Variants in GALNT18 observed in about 807,000 individuals in gnomAD.
GALNT18 encodes polypeptide N-acetylgalactosaminyltransferase 18, also known as GalNAc-transferase 18.
GALNT18 carries 44 observed loss-of-function variants against 69.5 expected under a neutral mutation model. The ratio of observed to expected loss-of-function variants is 0.63; its 90% CI spans 0.50 to 0.81. GALNT18 has a LOEUF of 0.81. Among genes scored for constraint, GALNT18 ranks in the 40% least tolerant of loss-of-function variants. GALNT18 has a pLI of 0.00. For synonymous variants in GALNT18, 364 were observed against 318.2 expected (o/e 1.14, Z -1.53); for missense variants, 715 against 810.0 (o/e 0.88, Z 1.42).
intron 1 of GALNT18, among the ~76,000 whole-genome samples, chr11:11,515,786 C>T (rs1337739005): frequency 6.6e-6 from 1 of 152,198 alleles, no homozygotes; most frequent in Admixed American, 6.5e-5. Context: ...GCAGGAAGAG[C>T]AAATGCAGAG....
rs1279878514 is a variant in GALNT18, at chr11:11,404,489, A to C, written c.596-25225T>G. Among the ~76,000 whole-genome samples, 2 of 152,218 alleles carry C rather than the reference A, an allele frequency of 1.3e-5. No individual in the cohort carries two copies. The highest frequency in any genetic ancestry group is 6.5e-5 in the Admixed American group (1 of 15,284). ...CCTGGCCCGGAAGGAGTTAAGGATCAAACGGCGCCCAGGGAGTGAGCCAAA... is the reference window on the plus strand; with the variant it reads ...CCTGGCCCGGAAGGAGTTAAGGATCCAACGGCGCCCAGGGAGTGAGCCAAA... On this transcript the variant is annotated intron_variant, in intron 3 of 10. Coordinates refer to ENST00000227756, the MANE Select transcript of GALNT18 (RefSeq NM_198516.3). The surrounding 1 kb of genome is among the most constrained non-coding windows in gnomAD (Gnocchi z 4.5).
At chr11:11,390,732 T>C (rs970085782) in intron 3 of GALNT18, among the ~76,000 whole-genome samples, 1 of 152,226 alleles carries the variant, frequency 6.6e-6, no homozygotes. Flanking sequence ...AGGGGTCCCA[T>C]GAAGGACCAG....
chr11:11,393,681 G>C (rs967779291), intron 3 of GALNT18, among the ~76,000 whole-genome samples: 2 of 152,232 alleles, frequency 1.3e-5, no homozygotes, highest in Admixed American at 1.3e-4. Flanking sequence ...AGAGACATCA[G>C]GACAGGTGGG....
intron 2 of GALNT18, 55 bp downstream of exon 2, chr11:11,448,689 G>A: frequency 6.8e-7 from 1 of 1,470,166 alleles, no homozygotes; most frequent in Non-Finnish European, 9.3e-7. Flanking sequence ...GCACTCTGGG[G>A]ACCCCATCTC....
chr11:11,419,619 A>AAAAG (rs56198103), intron 3 of GALNT18, among the ~76,000 whole-genome samples: 6,176 of 128,208 alleles, frequency 0.048, 327 homozygotes, highest in Non-Finnish European at 0.062. Flanking sequence ...AAAAAAAAAA[A>AAAAG]AAAGAAAGAA....
rs370415811 is a variant in GALNT18 at position 11,607,674 on chromosome 11, A to T, written c.235+13685T>A. ...GCCTGCAATTGAAATTATAAGTCAC[A>T]TTGCTCTGAGTTAAATCAAATTCAT... On this transcript the variant is annotated intron_variant, in intron 1 of 10. Transcript: ENST00000227756. 2.9e-4 allele frequency among the ~76,000 whole-genome samples: 44 copies of T among 152,354 alleles called. 1 individual carries two copies. Among genetic ancestry groups the T allele is most frequent in the African/African-American group, 7.5e-4 (31 of 41,578 alleles).
chr11:11,601,052 A>G lies in GALNT18; in HGVS notation c.235+20307T>C, dbSNP rs184507598. On this transcript the variant is annotated intron_variant, in intron 1 of 10. Transcript: ENST00000227756. The surrounding 1 kb of genome is among the most constrained non-coding windows in gnomAD (Gnocchi z 4.0). ...GTAAGACATTTTCATGATGCCTTTA[A>G]TTTTTTCAGCATAGTTTCCTTTAGT... Among the ~76,000 whole-genome samples, 1 of 151,990 alleles carries G rather than the reference A, an allele frequency of 6.6e-6. No homozygotes were observed. The highest frequency in any genetic ancestry group is 1.9e-4 in the East Asian group (1 of 5,178).
chr11:11,315,246 A>G lies in GALNT18; in HGVS notation c.1512+11840T>C, dbSNP rs1036900268. Among the ~76,000 whole-genome samples, 1 of 152,216 alleles carries G rather than the reference A, an allele frequency of 6.6e-6. No individual in the cohort carries two copies. The highest frequency in any genetic ancestry group is 1.5e-5 in the Non-Finnish European group (1 of 68,036). On this transcript the variant is annotated intron_variant, in intron 9 of 10. Coordinates refer to ENST00000227756, the MANE Select transcript of GALNT18 (RefSeq NM_198516.3). The surrounding 1 kb of genome is among the most constrained non-coding windows in gnomAD (Gnocchi z 5.6). ...TTCAGTTCCAGGTCACAAGCTAACCAGTGGTGGAGCTGAGATTCACAGCCA... is the reference window on the plus strand; with the variant it reads ...TTCAGTTCCAGGTCACAAGCTAACCGGTGGTGGAGCTGAGATTCACAGCCA...
intron 3 of GALNT18, among the ~76,000 whole-genome samples, chr11:11,428,069 C>T (rs1310351091): frequency 2.6e-5 from 4 of 152,358 alleles, no homozygotes; most frequent in African/African-American, 9.6e-5. Flanking sequence ...CTCTTCCTTC[C>T]GTTAGCCCAG....
rs1850128377 is a variant in GALNT18 at position 11,337,154 on chromosome 11, A to AT, written c.1278+3664dup. ...CTCTGAGGATGAGACCCAGATGAGT[A>AT]TTTTTTTAAAAGTTCTTCAAGCGAT... is the stretch of plus-strand genomic sequence containing the variant. On this transcript the variant is annotated intron_variant, in intron 7 of 10. Coordinates refer to ENST00000227756, the MANE Select transcript of GALNT18 (RefSeq NM_198516.3). This position sits in a 1 kb window ranked among gnomAD's most constrained non-coding sequence, Gnocchi z 4.9. Among the ~76,000 whole-genome samples, 1 of 152,084 alleles carries AT rather than the reference A, an allele frequency of 6.6e-6. No individual in the cohort carries two copies. Among genetic ancestry groups the AT allele is most frequent in the South Asian group, 2.1e-4 (1 of 4,818 alleles).
In GALNT18 at chr11:11,540,535, A is replaced by G. The variant is rs117693952; in HGVS notation, c.235+80824T>C. ...TGGAATCACGGCAATCATATAAGTA[A>G]TACTGAGGCTGCACTGAGGGGCTCC... On this transcript the variant is annotated intron_variant, in intron 1 of 10. Coordinates refer to ENST00000227756, the MANE Select transcript of GALNT18 (RefSeq NM_198516.3). The surrounding 1 kb of genome is among the most constrained non-coding windows in gnomAD (Gnocchi z 4.6). Among the ~76,000 whole-genome samples, 145 of 152,242 alleles carry G rather than the reference A, an allele frequency of 9.5e-4. 2 individuals carry two copies. In the East Asian group the frequency reaches 0.027, roughly 29 times the overall value.
chr11:11,558,917 G>A (rs1416642306), intron 1 of GALNT18, among the ~76,000 whole-genome samples: 1 of 152,200 alleles, frequency 6.6e-6, no homozygotes, highest in East Asian at 1.9e-4. Context: ...CTAGTCCAGA[G>A]TTTCTCCCCA....
chr11:11,345,759 G>A (rs1850291444), intron 6 of GALNT18, among the ~76,000 whole-genome samples: 1 of 152,116 alleles, frequency 6.6e-6, no homozygotes, highest in African/African-American at 2.4e-5. Flanking sequence ...GCAGGTAGCT[G>A]GGTACCAAAG....
chr11:11,374,324 C>T (rs1850986411), intron 5 of GALNT18, among the ~76,000 whole-genome samples: 2 of 152,206 alleles, frequency 1.3e-5, no homozygotes, highest in Non-Finnish European at 1.5e-5. Context: ...TCTAACCTCA[C>T]ACGGACTAAA....
chr11:11,279,985 G>T (rs11826663), intron 10 of GALNT18, among the ~76,000 whole-genome samples: 5 of 152,198 alleles, frequency 3.3e-5, no homozygotes, highest in Non-Finnish European at 7.3e-5. Flanking sequence ...AGCAGGGGGT[G>T]CGGGTGGAGG....
At chr11:11,520,365 T>G (rs1857369028) in intron 1 of GALNT18, among the ~76,000 whole-genome samples, 1 of 152,198 alleles carries the variant, frequency 6.6e-6, no homozygotes, top group Admixed American at 6.5e-5. Flanking sequence ...CTGGGTGTGT[T>G]CTCTGGCCTG....
At chr11:11,296,491 G>A (rs1256222897) in intron 9 of GALNT18, among the ~76,000 whole-genome samples, 1 of 152,212 alleles carries the variant, frequency 6.6e-6, no homozygotes, top group Non-Finnish European at 1.5e-5. Flanking sequence ...GAGGTTTGGG[G>A]ATGTGGGCTG....
At chr11:11,295,214 G>A (rs149959551) in intron 9 of GALNT18, among the ~76,000 whole-genome samples, 1 of 152,130 alleles carries the variant, frequency 6.6e-6, no homozygotes, top group Non-Finnish European at 1.5e-5. Context: ...TGAAGGGCAG[G>A]CAGGGTGTTC....
intron 1 of GALNT18, among the ~76,000 whole-genome samples, chr11:11,609,797 A>C (rs1484164937): frequency 1.3e-5 from 2 of 152,078 alleles, no homozygotes; most frequent in African/African-American, 4.8e-5. Context: ...CATACGTTTA[A>C]CTCCAAATAT....
Sources: gnomAD v4.1 joint callset for allele counts (sites outside exome capture counted in the v4.1 genomes callset) on GRCh38, gnomAD v4.1.1 for gene constraint, Gnocchi (gnomAD v3.1) non-coding constraint, MANE v1.5 for transcripts, NCBI Gene and HGNC (gene_info 2026-07-23, HGNC 2026-07-21) for gene names.